Variants in CFTR observed in about 807,000 individuals in gnomAD.
CFTR encodes the protein CF transmembrane conductance regulator, also known as cystic fibrosis transmembrane conductance regulator.
In CFTR, 181 loss-of-function variants were observed where a neutral mutation model predicts 171.6. The observed-to-expected ratio is 1.05, with a 90% CI of 0.93 to 1.19. CFTR has a LOEUF of 1.19. Ranked by LOEUF, CFTR falls within the 50% of genes most tolerant of loss-of-function variation. The pLI is 0.00. For missense variants in CFTR, 1,968 were observed against 1,734.7 expected, an observed-to-expected ratio of 1.13 and a Z score of -2.39; for synonymous variants, 583 against 608.0, an observed-to-expected ratio of 0.96 and a Z score of 0.60.
At chr7:117,653,053 G>T (rs1412560040) in intron 24 of CFTR, 122 bp downstream of exon 24, 7 of 739,402 alleles carry the variant, frequency 9.5e-6, no homozygotes, top group Non-Finnish European at 1.7e-5. Context: ...CTTTAAAATG[G>T]AGTACCCTAA....
chr7:117,627,948 A>C, intron 22 of CFTR, 178 bp downstream of exon 22: 1 of 683,304 alleles, frequency 1.5e-6, no homozygotes, highest in South Asian at 1.7e-5. Context: ...TTTAATTTGC[A>C]GAGTCCTGAA....
rs559237682 is a variant in CFTR at position 117,585,472 on chromosome 7, AC to A, written c.1585-2266del. On this transcript the variant is annotated intron_variant, in intron 11 of 26. Coordinates refer to ENST00000003084, the MANE Select transcript of CFTR (RefSeq NM_000492.4). Reference sequence around the variant, plus strand: ...AATGTTGAGTTCAAATTTGAAAAAAACAATGGAAAACTGTAATAATTCTAGC... The same window carrying A: ...AATGTTGAGTTCAAATTTGAAAAAAAAATGGAAAACTGTAATAATTCTAGC... 7.2e-5 allele frequency among the ~76,000 whole-genome samples: 11 copies of A among 152,310 alleles called. No individual in the cohort carries two copies. In the South Asian group the frequency reaches 1.4e-3, roughly 20 times the overall value.
At chr7:117,541,121 T>C (rs1352526331) in intron 8 of CFTR, among the ~76,000 whole-genome samples, 2 of 152,204 alleles carry the variant, frequency 1.3e-5, no homozygotes, top group African/African-American at 2.4e-5. Context: ...ATCACCTATT[T>C]GGTCCTGAGA....
Position 117,587,834 on chromosome 7 carries a change from G to A in CFTR, c.1679+1G>A, listed in dbSNP as rs397508263. The A allele has an allele frequency of 1.3e-6, 2 of 1,551,664 alleles. No individual in the cohort carries two copies. Among genetic ancestry groups the A allele is most frequent in the Admixed American group, 1.7e-5 (1 of 59,798 alleles). The stretch of plus-strand genomic sequence containing the variant: ...AACGAGCAAGAATTTCTTTAGCAAG[G>A]TGAATAACTAATTATTGGTCTAGCA... On this transcript the variant is annotated splice_donor_variant, in intron 12 of 26. Coordinates refer to ENST00000003084, the MANE Select transcript of CFTR (RefSeq NM_000492.4). LOFTEE classifies it high-confidence loss of function.
rs112904263 is a variant in CFTR at position 117,612,234 on chromosome 7, T to TACAC, written c.3367+450_3367+453dup. Among the ~76,000 whole-genome samples the TACAC allele has an allele frequency of 1.5e-3, 209 of 140,916 alleles. 2 individuals are homozygous for TACAC. The highest frequency in any genetic ancestry group is 7.2e-3 in the Middle Eastern group (2 of 278). The allele number at this position is 140,916 out of a possible 152,430, so 92.4% of individuals were successfully genotyped here. On this transcript the variant is annotated intron_variant, in intron 20 of 26. Coordinates refer to ENST00000003084, the MANE Select transcript of CFTR (RefSeq NM_000492.4). ...AGAGGGGAAATGAAACATCCGCATT[T>TACAC]ACACACACACACACACACACACACA...
chr7:117,484,263 A>G (rs1247024071), intron 1 of CFTR, among the ~76,000 whole-genome samples: 2 of 152,240 alleles, frequency 1.3e-5, no homozygotes, highest in Non-Finnish European at 2.9e-5. Context: ...TCAAAATAAA[A>G]TAGATGCATA....
intron 3 of CFTR, among the ~76,000 whole-genome samples, chr7:117,511,092 T>C (rs1798510450): frequency 6.6e-6 from 1 of 152,134 alleles, no homozygotes; most frequent in African/African-American, 2.4e-5. Flanking sequence ...CTCAACAGAA[T>C]GGTGACTCTA....
intron 3 of CFTR, 103 bp from the exon 4 acceptor site, chr7:117,530,796 A>C: frequency 1.3e-6 from 1 of 787,620 alleles, no homozygotes. Flanking sequence ...ATATAAACTC[A>C]TTTTAAGTCT....
Position 117,587,631 on chromosome 7 carries a change from G to C in CFTR, c.1585-108G>C, listed in dbSNP as rs2116017031. 48 of 711,136 alleles carry C rather than the reference G, an allele frequency of 6.7e-5. 1 individual carries two copies. In the South Asian group the frequency reaches 7.1e-4, roughly 11 times the overall value. The allele number at this position is 711,136 out of a possible 1,614,324, so 44.1% of individuals were successfully genotyped here. A position where few individuals can be genotyped will look rare whatever the true frequency, so the allele number is the denominator to read the frequency against. On this transcript the variant is annotated intron_variant, in intron 11 of 26. Transcript: ENST00000003084. ...TGCAATGTTCAAAATTTCAACTGTGGTTAAAGCAATAGTGTGATATATGAT... is the reference window on the plus strand; with the variant it reads ...TGCAATGTTCAAAATTTCAACTGTGCTTAAAGCAATAGTGTGATATATGAT...
At chr7:117,615,951 A>G (rs998700971) in intron 21 of CFTR, among the ~76,000 whole-genome samples, 1 of 151,736 alleles carries the variant, frequency 6.6e-6, no homozygotes, top group Non-Finnish European at 1.5e-5. Flanking sequence ...CTATTATTAT[A>G]CTCTTTTTAA....
At chr7:117,638,736 C>CATAA (rs201930686) in intron 22 of CFTR, among the ~76,000 whole-genome samples, 26,877 of 144,946 alleles carry the variant, frequency 0.19, 2,648 homozygotes, top group African/African-American at 0.2. Flanking sequence ...AACTCCATCT[C>CATAA]ATAAATAAAT....
At chr7:117,482,147 A>G (rs1001631589) in intron 1 of CFTR, among the ~76,000 whole-genome samples, 1 of 152,216 alleles carries the variant, frequency 6.6e-6, no homozygotes, top group African/African-American at 2.4e-5. Flanking sequence ...GTGGGCCTGT[A>G]TGAGAATTTA....
intron 11 of CFTR, among the ~76,000 whole-genome samples, 185 bp downstream of exon 11, chr7:117,559,840 A>G (rs1488138278): frequency 6.6e-6 from 1 of 152,134 alleles, no homozygotes; most frequent in Non-Finnish European, 1.5e-5. Flanking sequence ...TTGCAAACAC[A>G]TGAAATAAAT....
At chr7:117,612,006 G>GATATATATATATGTATATATATAT (rs1792397712) in intron 20 of CFTR, among the ~76,000 whole-genome samples, 198 bp downstream of exon 20, 1 of 76,796 alleles carries the variant, frequency 1.3e-5, no homozygotes, top group Non-Finnish European at 2.6e-5. Context: ...CTTGAAATCG[G>GATATATATATATGTATATATATAT]ATATATATAT....
chr7:117,652,007 T>C (rs1336362348), intron 23 of CFTR, among the ~76,000 whole-genome samples: 1 of 152,198 alleles, frequency 6.6e-6, no homozygotes, highest in African/African-American at 2.4e-5. Flanking sequence ...ATATCAAAAA[T>C]ATTATTTTCA....
intron 21 of CFTR, chr7:117,616,230 T>A (rs1459159778): frequency 1.2e-4 from 1 of 8,440 alleles, no homozygotes; most frequent in Non-Finnish European, 2.2e-4. Flanking sequence ...TTTCTTTACC[T>A]TTAACTTTTT....
In CFTR at chr7:117,530,914, G is replaced by C. The variant is rs1798849085; in HGVS notation, c.289G>C (p.Val97Leu). 3.7e-6 allele frequency: 6 copies of C among 1,612,190 alleles called. No individual in the cohort carries two copies. The highest frequency in any genetic ancestry group is 5.1e-6 in the Non-Finnish European group (6 of 1,178,642). Residue 97 changes from valine to leucine, a missense_variant, in exon 4 of 27, where the codon GTA becomes CTA. Val to Leu is a conservative substitution (Grantham distance 32, BLOSUM62 1). Transcript: ENST00000003084. ...CCTTTTGTAGGAAGTCACCAAAGCA[G>C]TACAGCCTCTCTTACTGGGAAGAAT... Reference protein sequence around the residue: ...FLYLGEVTKAVQPLLLGRIIA... With the variant: ...FLYLGEVTKALQPLLLGRIIA...
chr7:117,618,260 A>ATATCTTGATGAATCTT (rs1792523182), intron 21 of CFTR, among the ~76,000 whole-genome samples: 1 of 152,116 alleles, frequency 6.6e-6, no homozygotes, highest in Non-Finnish European at 1.5e-5. Context: ...AGGCCGAGGC[A>ATATCTTGATGAATCTT]GGCGAATTAC....
At chr7:117,564,916 C>T (rs1791576258) in intron 11 of CFTR, 1 of 152,474 alleles carries the variant, frequency 6.6e-6, no homozygotes, top group South Asian at 2.1e-4. Context: ...CAGGGAAAGG[C>T]ATGGAGATAG....
Sources: gnomAD v4.1 joint callset for allele counts (sites outside exome capture counted in the v4.1 genomes callset) on GRCh38, gnomAD v4.1.1 for gene constraint, MANE v1.5 for transcripts, NCBI Gene and HGNC (gene_info 2026-07-23, HGNC 2026-07-21) for gene names.